Variants in CDYL observed in about 807,000 individuals in gnomAD.
CDYL encodes chromodomain Y-like protein.
Under a neutral mutation model 47.3 loss-of-function variants are expected in CDYL, and 8 were observed. The observed-to-expected ratio is 0.17, with a 90% CI of 0.10 to 0.31. CDYL has a LOEUF of 0.31. Ranked by LOEUF, CDYL falls within the 10% of genes least tolerant of loss-of-function variation. CDYL has a pLI of 1.00. For missense variants in CDYL, 471 were observed against 701.4 expected (o/e 0.67, Z 3.71); for synonymous variants, 266 against 265.0 (o/e 1.00, Z -0.04).
rs146311861 is a variant in CDYL at position 4,889,012 on chromosome 6, C to T, written c.25-2701C>T. Among the ~76,000 whole-genome samples, 43 of 152,270 alleles carry T rather than the reference C, an allele frequency of 2.8e-4. 1 individual carries two copies. The East Asian group carries it at 4.2e-3, about 15-fold the overall frequency. ...AGACTTAGCATATGGTCTGTGCTGG[C>T]GAGTATCCTGTGTGTGCTTGAGAAG... On this transcript the variant is annotated intron_variant, in intron 1 of 6. Transcript: ENST00000397588.
chr6:4,873,369 GTATATT>G (rs1345285967), intron 1 of CDYL, among the ~76,000 whole-genome samples: 2 of 152,126 alleles, frequency 1.3e-5, no homozygotes, highest in Non-Finnish European at 2.9e-5. Flanking sequence ...AGCAAAAGGG[GTATATT>G]TAATTTTTAT....
chr6:4,742,941 G>T (rs1047008248), intron 3 of CDYL, among the ~76,000 whole-genome samples: 1 of 152,224 alleles, frequency 6.6e-6, no homozygotes, highest in Admixed American at 6.5e-5. Flanking sequence ...GGCCAAGCTT[G>T]AGGTTTCTGT....
At chr6:4,737,648 T>A (rs139165029) in intron 3 of CDYL, among the ~76,000 whole-genome samples, 2 of 150,940 alleles carry the variant, frequency 1.3e-5, no homozygotes, top group African/African-American at 4.8e-5. Context: ...AGCCTCAGCC[T>A]CCCAAGTAGG....
At chr6:4,750,211 T>G (rs116055419) in intron 3 of CDYL, among the ~76,000 whole-genome samples, 1 of 151,890 alleles carries the variant, frequency 6.6e-6, no homozygotes, top group African/African-American at 2.4e-5. Context: ...TTTATTATTA[T>G]TATTATTTTG....
chr6:4,891,701 T>C lies in CDYL; in HGVS notation c.25-12T>C. 2 of 1,567,276 alleles carry C rather than the reference T, an allele frequency of 1.3e-6. No individual in the cohort carries two copies. Among genetic ancestry groups the C allele is most frequent in the African/African-American group, 1.4e-5 (1 of 72,402 alleles). ...GATTTTTTTAAAACTATTTTTTTCC[T>C]TTTATGAACAGGTTGAAAGGATTGT... On this transcript the variant is annotated splice_polypyrimidine_tract_variant and intron_variant, in intron 1 of 6. Coordinates refer to ENST00000397588, the MANE Select transcript of CDYL (RefSeq NM_004824.4).
intron 1 of CDYL, among the ~76,000 whole-genome samples, chr6:4,861,177 A>G (rs1761158252): frequency 6.6e-6 from 1 of 152,246 alleles, no homozygotes. Context: ...GCAAAATGGG[A>G]AGCCTATCTG....
chr6:4,769,772 T>A (rs1758308587), intron 3 of CDYL, among the ~76,000 whole-genome samples: 1 of 152,110 alleles, frequency 6.6e-6, no homozygotes, highest in African/African-American at 2.4e-5. Context: ...TGATTGGTAG[T>A]TAAGACTTTT....
intron 1 of CDYL, among the ~76,000 whole-genome samples, chr6:4,868,314 A>G (rs539577855): frequency 4.5e-4 from 68 of 151,824 alleles, no homozygotes; most frequent in African/African-American, 1.5e-3. Context: ...TTTTCATTCA[A>G]TTCTAAATAC....
At chr6:4,952,810 C>T (rs527570959) in intron 6 of CDYL, among the ~76,000 whole-genome samples, 1 of 152,222 alleles carries the variant, frequency 6.6e-6, no homozygotes, top group African/African-American at 2.4e-5. Context: ...CTCTGTCGCT[C>T]AGGCTTGAGT....
At chr6:4,930,175 G>A (rs1031664310) in intron 2 of CDYL, among the ~76,000 whole-genome samples, 3 of 152,186 alleles carry the variant, frequency 2.0e-5, no homozygotes, top group African/African-American at 7.2e-5. Context: ...GCCCTAGGCA[G>A]ACTTGAGATT....
chr6:4,892,421 G>A, intron 2 of CDYL, 42 bp downstream of exon 2: 1 of 1,539,292 alleles, frequency 6.5e-7, no homozygotes. Context: ...GGTGATCCCA[G>A]AGGGCTCGGG....
In CDYL at chr6:4,890,722, G is replaced by A. The variant is rs912757660; in HGVS notation, c.25-991G>A. 5.3e-5 allele frequency among the ~76,000 whole-genome samples: 8 copies of A among 152,322 alleles called. No homozygotes were observed. The South Asian group carries it at 8.3e-4, about 16-fold the overall frequency. Reference sequence around the variant, plus strand: ...TGACCTACCTCTAACTGCCAGAAATGTACTGACGTTCTTAATAATTGATAG... The same window carrying A: ...TGACCTACCTCTAACTGCCAGAAATATACTGACGTTCTTAATAATTGATAG... On this transcript the variant is annotated intron_variant, in intron 1 of 6. Transcript: ENST00000397588.
chr6:4,951,610 A>G (rs1758706583), intron 5 of CDYL, among the ~76,000 whole-genome samples: 1 of 151,890 alleles, frequency 6.6e-6, no homozygotes. Flanking sequence ...GATTACGGTC[A>G]TTTTTCGCCA....
At chr6:4,910,265 C>A (rs1757372366) in intron 2 of CDYL, among the ~76,000 whole-genome samples, 1 of 152,196 alleles carries the variant, frequency 6.6e-6, no homozygotes, top group Non-Finnish European at 1.5e-5. Context: ...TGGAACAACA[C>A]CAGGCAGTGC....
chr6:4,926,734 A>G (rs1757884447), intron 2 of CDYL, among the ~76,000 whole-genome samples: 1 of 152,226 alleles, frequency 6.6e-6, no homozygotes, highest in Admixed American at 6.5e-5. Flanking sequence ...CAATATTAAC[A>G]TTTCTATAAT....
At chr6:4,918,978 C>T (rs908688624) in intron 2 of CDYL, among the ~76,000 whole-genome samples, 4 of 152,162 alleles carry the variant, frequency 2.6e-5, no homozygotes, top group African/African-American at 9.7e-5. Context: ...AAGTATGGGC[C>T]TTTATACTAC....
chr6:4,894,847 G>GTGTATATACACACATGTGTA (rs1561692165), intron 2 of CDYL, among the ~76,000 whole-genome samples: 9 of 105,924 alleles, frequency 8.5e-5, no homozygotes, highest in African/African-American at 3.9e-4. Context: ...GTGTGTGTGT[G>GTGTATATACACACATGTGTA]TGTGTGTGTA....
chr6:4,914,580 C>G (rs1757504453), intron 2 of CDYL, among the ~76,000 whole-genome samples: 1 of 152,228 alleles, frequency 6.6e-6, no homozygotes, highest in African/African-American at 2.4e-5. Flanking sequence ...CTTGCAACCT[C>G]AGCCATCCTG....
At position 4,722,054 on chromosome 6, in the gene CDYL, C is replaced by T. The variant is rs558714717; in HGVS notation, c.103+6173C>T. Among the ~76,000 whole-genome samples, 372 of 152,224 alleles carry T rather than the reference C, an allele frequency of 2.4e-3. 4 individuals are homozygous for T. The highest frequency in any genetic ancestry group is 8.2e-3 in the African/African-American group (341 of 41,548). ...ATTTTTAGTAGAGACGGGATTTCAT[C>T]ATGTTGGTCAGGCTGGTCTCAAACT... On this transcript the variant is annotated intron_variant, in intron 2 of 8. Coordinates refer to the CDYL transcript ENST00000328908.
Sources: gnomAD v4.1 joint callset for allele counts (sites outside exome capture counted in the v4.1 genomes callset) on GRCh38, gnomAD v4.1.1 for gene constraint, MANE v1.5 for transcripts, NCBI Gene and HGNC (gene_info 2026-07-23, HGNC 2026-07-21) for gene names.